Variants in ARHGEF17 observed in about 807,000 individuals in gnomAD.
ARHGEF17 encodes Rho guanine nucleotide exchange factor 17.
A neutral mutation model predicts 174.0 loss-of-function variants in ARHGEF17; 80 were observed. That is an observed-to-expected ratio of 0.46 (90% CI 0.38 to 0.55). The LOEUF is 0.55. Ranked by LOEUF, ARHGEF17 falls within the 20% of genes least tolerant of loss-of-function variation. The pLI is 0.00. For synonymous variants in ARHGEF17, 1,311 were observed against 1,189.1 expected (o/e 1.10, Z -2.11); for missense variants, 2,886 against 2,839.7 (o/e 1.02, Z -0.37).
In ARHGEF17 at chr11:73,310,821, G is replaced by C. The variant is rs200783173; in HGVS notation, c.2183G>C (p.Gly728Ala). 1.1e-4 allele frequency: 170 copies of C among 1,612,042 alleles called. No individual in the cohort carries two copies. The highest frequency in any genetic ancestry group is 1.3e-4 in the Non-Finnish European group (159 of 1,179,698). Reference protein sequence around the residue: ...GGSELSNGEAGEAYRSLSDPI... With the variant: ...GGSELSNGEAAEAYRSLSDPI... Reference sequence around the variant, plus strand: ...AGCGAATTGAGCAATGGGGAGGCAGGGGAGGCCTACAGGTCCCTGAGTGAC... The same window carrying C: ...AGCGAATTGAGCAATGGGGAGGCAGCGGAGGCCTACAGGTCCCTGAGTGAC... Residue 728 changes from glycine (G) to alanine (A), a missense_variant, in exon 1 of 21, where the codon GGG (glycine) becomes GCG (alanine). Physicochemically the swap from Gly to Ala is moderately conservative, Grantham distance 60. Around this residue, in one of 4 missense-constraint regions of ARHGEF17, gnomAD observed 1,728 missense variants for 1,461.2 expected, o/e 1.18. Transcript: ENST00000263674.
At chr11:73,334,678 C>T (rs1235314083) in intron 1 of ARHGEF17, among the ~76,000 whole-genome samples, 1 of 152,182 alleles carries the variant, frequency 6.6e-6, no homozygotes, top group African/African-American at 2.4e-5. Context: ...CCCAGGGTGC[C>T]TGGCCCACAG....
intron 1 of ARHGEF17, among the ~76,000 whole-genome samples, chr11:73,341,270 AG>A (rs764072259): frequency 2.0e-5 from 3 of 152,190 alleles, no homozygotes; most frequent in Non-Finnish European, 4.4e-5. Context: ...TTCCCTAAGG[AG>A]GTGACATTTG....
rs1258389550 is a variant in ARHGEF17 at position 73,308,387 on chromosome 11, A to T, written c.-252A>T. 2 of 375,488 alleles carry T rather than the reference A, an allele frequency of 5.3e-6. No homozygotes were observed. The highest frequency in any genetic ancestry group is 9.4e-6 in the Non-Finnish European group (2 of 211,694). The allele number at this position is 375,488 out of a possible 1,614,324, so 23.3% of individuals were successfully genotyped here. Reference sequence around the variant, plus strand: ...GTGCCGCGGTGCCCCTGGTCGCTCCAGCCGCGGCGGGGGCTGGGCCTGGGG... The same window carrying T: ...GTGCCGCGGTGCCCCTGGTCGCTCCTGCCGCGGCGGGGGCTGGGCCTGGGG... On this transcript the variant is annotated 5_prime_UTR_variant, in exon 1 of 21. Transcript: ENST00000263674.
At chr11:73,335,028 G>T (rs150986547) in intron 1 of ARHGEF17, among the ~76,000 whole-genome samples, 91 of 152,332 alleles carry the variant, frequency 6.0e-4, no homozygotes, top group African/African-American at 2.1e-3. Context: ...TTTAGAGCTG[G>T]GAGAGGAGGG....
rs893759230 is a variant in ARHGEF17 at position 73,311,492 on chromosome 11, C to T, written c.2854C>T (p.Pro952Ser). The stretch of plus-strand genomic sequence containing the variant: ...GACTGGCAGCCTGTCTCGGGCCCGG[C>T]CCTCCTCCAGACACGTTCGCCATGC... Reference protein sequence around the residue: ...DQTGSLSRARPSSRHVRHASV... With the variant: ...DQTGSLSRARSSSRHVRHASV... Residue 952 changes from proline to serine, a missense_variant, in exon 1 of 21, where the codon CCC (proline) becomes TCC (serine). By Grantham distance (74) the Pro-to-Ser change is moderately conservative (BLOSUM62 -1). Coordinates refer to ENST00000263674, the MANE Select transcript of ARHGEF17 (RefSeq NM_014786.4). 2.8e-5 allele frequency: 45 copies of T among 1,613,012 alleles called. No homozygotes were observed. The highest frequency in any genetic ancestry group is 1.7e-4 in the African/African-American group (13 of 74,932).
In ARHGEF17 at chr11:73,338,691, G is replaced by T. The variant is rs191399435; in HGVS notation, c.3193-8192G>T. On this transcript the variant is annotated intron_variant, in intron 1 of 20. Coordinates refer to ENST00000263674, the MANE Select transcript of ARHGEF17 (RefSeq NM_014786.4). ...CAACCACCACACCAGGGAGGTGGGGGTTGGGGGAGCCCAGCTGTGTGCACC... is the reference window on the plus strand; with the variant it reads ...CAACCACCACACCAGGGAGGTGGGGTTTGGGGGAGCCCAGCTGTGTGCACC... Among the ~76,000 whole-genome samples, 399 of 152,168 alleles carry T rather than the reference G, an allele frequency of 2.6e-3. 1 individual carries two copies. Among genetic ancestry groups the T allele is most frequent in the Middle Eastern group, 3.4e-3 (1 of 294 alleles).
chr11:73,364,359 A>G, intron 17 of ARHGEF17, 93 bp from the exon 18 acceptor site: 1 of 1,603,972 alleles, frequency 6.2e-7, no homozygotes, highest in Non-Finnish European at 8.5e-7. Context: ...TTCTTTGCTT[A>G]TAAAAGGGGA....
In ARHGEF17 at chr11:73,310,988, AGTGACTG is replaced by A; in HGVS notation, c.2353_2359del (p.Asp785LeufsTer17). On this transcript the variant is annotated frameshift_variant, in exon 1 of 21. Transcript: ENST00000263674. LOFTEE classifies it high-confidence loss of function. Reference sequence around the variant, plus strand: ...GGATGAGGGCTTGACCAGTGGTCACAGTGACTGGTCTGTGGGCAGTGAAGAGAGCAAG... The same window carrying A: ...GGATGAGGGCTTGACCAGTGGTCACAGTCTGTGGGCAGTGAAGAGAGCAAG... 1 of 1,614,136 alleles carries A rather than the reference AGTGACTG, an allele frequency of 6.2e-7. No homozygotes were observed. The highest frequency in any genetic ancestry group is 8.5e-7 in the Non-Finnish European group (1 of 1,180,002).
chr11:73,314,050 C>T (rs1273443273), intron 1 of ARHGEF17, among the ~76,000 whole-genome samples: 1 of 152,200 alleles, frequency 6.6e-6, no homozygotes, highest in Non-Finnish European at 1.5e-5. Flanking sequence ...CCTCCAATTT[C>T]CCACACCCTC....
At chr11:73,323,141 G>T (rs1217047212) in intron 1 of ARHGEF17, among the ~76,000 whole-genome samples, 1 of 152,128 alleles carries the variant, frequency 6.6e-6, no homozygotes, top group African/African-American at 2.4e-5. Context: ...CTGCCTCTCA[G>T]GGGGGTCCCT....
rs1012707035 is a variant in ARHGEF17 at position 73,326,553 on chromosome 11, C to T, written c.3192+14723C>T. ...TGGTCAACATGGTAAAACCACATCT[C>T]TACTAGAAATACAAAAATTAGCTGG... On this transcript the variant is annotated intron_variant, in intron 1 of 20. Transcript: ENST00000263674. Among the ~76,000 whole-genome samples the T allele has an allele frequency of 4.6e-5, 7 of 152,120 alleles. No individual in the cohort carries two copies. The East Asian group carries it at 1.3e-3, about 29-fold the overall frequency.
Position 73,310,533 on chromosome 11 carries a change from C to A in ARHGEF17, c.1895C>A (p.Ser632Tyr). ...WAGDVTRGQR[S>Y]QEELSGPESS... ...GGGGATGTGACCCGAGGGCAGCGGTCCCAGGAGGAGCTCTCAGGCCCTGAG... is the reference window on the plus strand; with the variant it reads ...GGGGATGTGACCCGAGGGCAGCGGTACCAGGAGGAGCTCTCAGGCCCTGAG... Residue 632 changes from serine to tyrosine, a missense_variant, in exon 1 of 21, where the codon TCC becomes TAC. Ser to Tyr is a moderately radical substitution (Grantham distance 144). Coordinates refer to ENST00000263674, the MANE Select transcript of ARHGEF17 (RefSeq NM_014786.4). 1 of 1,614,016 alleles carries A rather than the reference C, an allele frequency of 6.2e-7. No individual in the cohort carries two copies. Among genetic ancestry groups the A allele is most frequent in the Non-Finnish European group, 8.5e-7 (1 of 1,180,028 alleles).
At chr11:73,362,410 A>AT in intron 13 of ARHGEF17, 23 bp from the exon 14 acceptor site, 1 of 1,522,674 alleles carries the variant, frequency 6.6e-7, no homozygotes, top group Admixed American at 2.0e-5. Context: ...AGCTGCTGTC[A>AT]TCCTCACTCC....
chr11:73,321,515 A>AT (rs1865017299), intron 1 of ARHGEF17, among the ~76,000 whole-genome samples: 1 of 152,236 alleles, frequency 6.6e-6, no homozygotes, highest in Admixed American at 6.5e-5. Context: ...AAGTCATTGG[A>AT]TCCCAACTCT....
rs1473199383 is a variant in ARHGEF17 at position 73,356,768 on chromosome 11, T to G, written c.3891+9T>G. ...AGATGGTCATTGAAGTGGTAAGAAGTGTCCCAGTATCTGTCCGGCTGTCCC... is the reference window on the plus strand; with the variant it reads ...AGATGGTCATTGAAGTGGTAAGAAGGGTCCCAGTATCTGTCCGGCTGTCCC... On this transcript the variant is annotated intron_variant, in intron 7 of 20. Transcript: ENST00000263674. 6.2e-7 allele frequency: 1 copy of G among 1,614,088 alleles called. No homozygotes were observed. The highest frequency in any genetic ancestry group is 2.2e-5 in the East Asian group (1 of 44,868).
Position 73,359,819 on chromosome 11 carries a change from CCTCT to C in ARHGEF17, c.4088-11_4088-8del, listed in dbSNP as rs778833151. 1 of 1,577,004 alleles carries C rather than the reference CCTCT, an allele frequency of 6.3e-7. No individual in the cohort carries two copies. The highest frequency in any genetic ancestry group is 8.6e-7 in the Non-Finnish European group (1 of 1,163,716). On this transcript the variant is annotated splice_polypyrimidine_tract_variant and intron_variant, in intron 9 of 20. Transcript: ENST00000263674. ...TGTCTCTGTATCAGTCCACGGCCTT[CCTCT>C]CTCCCTCTAGGGGCATCCCAAGCCA...
rs369983561 is a variant in ARHGEF17, at chr11:73,311,789, G to A, written c.3151G>A (p.Glu1051Lys). The part of the protein sequence containing the change: ...KPPEAARPAD[E>K]PTPASKCCSK... ...CCCTGAGGCAGCTCGGCCTGCAGAT[G>A]AGCCTACCCCTGCCAGCAAGTGCTG... Residue 1051 changes from glutamate to lysine, a missense_variant, in exon 1 of 21, where the codon GAG (glutamate) becomes AAG (lysine). Physicochemically the swap from Glu to Lys is moderately conservative, Grantham distance 56 (BLOSUM62 1). This residue lies in a region of ARHGEF17 where 1,728 missense variants were observed against 1,461.2 expected (regional missense o/e 1.18). Coordinates refer to ENST00000263674, the MANE Select transcript of ARHGEF17 (RefSeq NM_014786.4). The A allele has an allele frequency of 6.3e-5, 102 of 1,610,482 alleles. No homozygotes were observed. The highest frequency in any genetic ancestry group is 8.5e-6 in the Non-Finnish European group (10 of 1,178,174).
chr11:73,361,034 T>G, intron 11 of ARHGEF17, 54 bp from the exon 12 acceptor site: 23 of 1,469,636 alleles, frequency 1.6e-5, no homozygotes, highest in East Asian at 2.3e-5. Flanking sequence ...AGGACCAGGG[T>G]GAGATGGATG....
rs751428868 is a variant in ARHGEF17 at position 73,310,188 on chromosome 11, T to C, written c.1550T>C (p.Leu517Pro). The change falls in exon 1 of 21, where the codon CTT (leucine) becomes CCT (proline). Residue 517 changes from leucine to proline, a missense_variant. Leu to Pro is a moderately conservative substitution (Grantham distance 98). Coordinates refer to ENST00000263674, the MANE Select transcript of ARHGEF17 (RefSeq NM_014786.4). Reference protein sequence around the residue: ...SPSAGGPVGQLEPIPIPAPAS... With the variant: ...SPSAGGPVGQPEPIPIPAPAS... Reference sequence around the variant, plus strand: ...TCCGCAGGTGGCCCTGTGGGGCAACTTGAACCCATACCCATCCCAGCCCCA... The same window carrying C: ...TCCGCAGGTGGCCCTGTGGGGCAACCTGAACCCATACCCATCCCAGCCCCA... 4.3e-6 allele frequency: 7 copies of C among 1,613,888 alleles called. No individual in the cohort carries two copies. Among genetic ancestry groups the C allele is most frequent in the Middle Eastern group, 3.3e-4 (2 of 6,062 alleles).
Sources: gnomAD v4.1 joint callset for allele counts (sites outside exome capture counted in the v4.1 genomes callset) on GRCh38, gnomAD v4.1.1 for gene constraint, gnomAD v4.1.1 regional missense constraint, MANE v1.5 for transcripts, NCBI Gene and HGNC (gene_info 2026-07-23, HGNC 2026-07-21) for gene names.